NR3C2: variants seen among roughly 807,000 people sequenced by gnomAD.
NR3C2 encodes the protein nuclear receptor subfamily 3 group C member 2.
Under a neutral mutation model 86.4 loss-of-function variants are expected in NR3C2, and 15 were observed. The ratio of observed to expected loss-of-function variants is 0.17; its 90% confidence interval spans 0.12 to 0.27. The LOEUF (loss-of-function observed/expected upper bound fraction) is 0.27, where lower values mean the gene tolerates loss of function less well. Ranked by LOEUF, NR3C2 falls within the 10% of genes least tolerant of loss-of-function variation. The probability of loss-of-function intolerance (pLI) is 1.00; values close to 1 mark genes in which losing one functional copy is unlikely to be tolerated. For missense variants in NR3C2, 960 were observed against 1,195.6 expected (o/e 0.80, Z 2.91); for synonymous variants, 458 against 450.5 (o/e 1.02, Z -0.21).
intron 3 of NR3C2, among the ~76,000 whole-genome samples, chr4:148,195,306 G>C (rs1736389887): frequency 6.6e-6 from 1 of 152,160 alleles, no homozygotes; most frequent in African/African-American, 2.4e-5. Context: ...AATTGGAAAT[G>C]TTAAACTATT....
chr4:148,321,534 A>G (rs1253044480), intron 2 of NR3C2, among the ~76,000 whole-genome samples: 3 of 152,104 alleles, frequency 2.0e-5, no homozygotes, highest in African/African-American at 7.2e-5. Flanking sequence ...TAGGTCACTC[A>G]GGACTTGCTT....
chr4:148,441,658 G>A (rs1334266781), intron 1 of NR3C2, among the ~76,000 whole-genome samples: 1 of 152,170 alleles, frequency 6.6e-6, no homozygotes, highest in African/African-American at 2.4e-5. Context: ...CATAGGAAGC[G>A]TAGCCTGTCT....
intron 3 of NR3C2, among the ~76,000 whole-genome samples, chr4:148,219,618 A>G (rs1312926501): frequency 3.3e-5 from 5 of 152,164 alleles, no homozygotes; most frequent in Non-Finnish European, 7.3e-5. Context: ...AGGCTCTTAA[A>G]ATACTCCTCT....
chr4:148,201,877 T>C (rs930223895), intron 3 of NR3C2, among the ~76,000 whole-genome samples: 1 of 152,188 alleles, frequency 6.6e-6, no homozygotes, highest in Non-Finnish European at 1.5e-5. Flanking sequence ...TGGCTGATCG[T>C]CAGGGTAGTA....
At chr4:148,178,319 A>C (rs1735476429) in intron 4 of NR3C2, among the ~76,000 whole-genome samples, 1 of 151,786 alleles carries the variant, frequency 6.6e-6, no homozygotes, top group Non-Finnish European at 1.5e-5. Flanking sequence ...CAACAGAGTG[A>C]GACTCTGTCT....
intron 3 of NR3C2, among the ~76,000 whole-genome samples, chr4:148,238,755 A>G (rs1738868600): frequency 6.6e-6 from 1 of 152,196 alleles, no homozygotes; most frequent in South Asian, 2.1e-4. Flanking sequence ...AAGCCTAAAC[A>G]AGATAGAGTC....
chr4:148,276,092 A>G (rs548630286), intron 2 of NR3C2, among the ~76,000 whole-genome samples: 5 of 152,182 alleles, frequency 3.3e-5, no homozygotes, highest in South Asian at 2.1e-4. Flanking sequence ...AGTGAGCCCA[A>G]TGTAAGATTT....
intron 3 of NR3C2, among the ~76,000 whole-genome samples, chr4:148,239,069 G>T (rs1738886280): frequency 6.6e-6 from 1 of 152,198 alleles, no homozygotes; most frequent in Non-Finnish European, 1.5e-5. Flanking sequence ...AGACGTAGAG[G>T]CATGAGTGAA....
At chr4:148,282,221 G>T (rs1013245541) in intron 2 of NR3C2, among the ~76,000 whole-genome samples, 1 of 152,014 alleles carries the variant, frequency 6.6e-6, no homozygotes, top group South Asian at 2.1e-4. Context: ...GTACAGACAG[G>T]GTTTCACCAT....
chr4:148,358,512 C>T (rs1357757455), intron 2 of NR3C2, among the ~76,000 whole-genome samples: 1 of 150,888 alleles, frequency 6.6e-6, no homozygotes, highest in Non-Finnish European at 1.5e-5. Context: ...GGGAGATATA[C>T]CTAATGCTAG....
intron 3 of NR3C2, among the ~76,000 whole-genome samples, chr4:148,220,484 A>G (rs1039143145): frequency 1.6e-4 from 25 of 152,234 alleles, no homozygotes; most frequent in African/African-American, 5.3e-4. Context: ...GAAATAGTGG[A>G]CTGACTTCTG....
At chr4:148,199,270 T>G (rs1012397657) in intron 3 of NR3C2, among the ~76,000 whole-genome samples, 2 of 151,828 alleles carry the variant, frequency 1.3e-5, no homozygotes, top group Non-Finnish European at 2.9e-5. Flanking sequence ...CATCTTTAAG[T>G]CTTTAGTTTT....
chr4:148,382,097 C>T (rs374265235), intron 2 of NR3C2, among the ~76,000 whole-genome samples: 2 of 152,080 alleles, frequency 1.3e-5, no homozygotes, highest in Admixed American at 6.6e-5. Flanking sequence ...GAATCAAGCC[C>T]GACCCTCAGG....
At chr4:148,230,372 T>C (rs1738399121) in intron 3 of NR3C2, among the ~76,000 whole-genome samples, 1 of 152,090 alleles carries the variant, frequency 6.6e-6, no homozygotes, top group South Asian at 2.1e-4. Flanking sequence ...TTTTTTGTAT[T>C]TTTTAGTAGA....
chr4:148,372,476 C>G (rs1746466821), intron 2 of NR3C2, among the ~76,000 whole-genome samples: 1 of 151,674 alleles, frequency 6.6e-6, no homozygotes, highest in Admixed American at 6.6e-5. Context: ...GATGAGGTCA[C>G]AAACCAAAGA....
chr4:148,237,739 T>C (rs968559146), intron 3 of NR3C2, among the ~76,000 whole-genome samples: 2 of 151,812 alleles, frequency 1.3e-5, no homozygotes, highest in African/African-American at 4.8e-5. Context: ...AAATACATGG[T>C]ATGAAGCTAA....
At chr4:148,249,620 A>G (rs1365285561) in intron 3 of NR3C2, among the ~76,000 whole-genome samples, 1 of 152,226 alleles carries the variant, frequency 6.6e-6, no homozygotes, top group Non-Finnish European at 1.5e-5. Context: ...GGCTCTAGTA[A>G]AGACATTAAA....
chr4:148,097,494 A>G (rs1470075692), intron 8 of NR3C2, among the ~76,000 whole-genome samples: 1 of 152,198 alleles, frequency 6.6e-6, no homozygotes, highest in African/African-American at 2.4e-5. Flanking sequence ...ATATAGTTAT[A>G]ATTAAGTATT....
At chr4:148,108,201 T>C (rs1183691077) in intron 8 of NR3C2, among the ~76,000 whole-genome samples, 2 of 152,094 alleles carry the variant, frequency 1.3e-5, no homozygotes, top group African/African-American at 4.8e-5. Flanking sequence ...CCTCCTGGGC[T>C]CAAACAATCT....
Sources: gnomAD v4.1 joint callset for allele counts (sites outside exome capture counted in the v4.1 genomes callset) on GRCh38, gnomAD v4.1.1 for gene constraint, MANE v1.5 for transcripts, NCBI Gene and HGNC (gene_info 2026-07-23, HGNC 2026-07-21) for gene names.